RBFOX1: variants seen among roughly 807,000 people sequenced by gnomAD.
The protein encoded by RBFOX1 is RNA binding fox-1 homolog 1, also known as RNA binding protein fox-1 homolog 1.
Under a neutral mutation model 57.7 loss-of-function variants are expected in RBFOX1, and 8 were observed. That is an observed-to-expected ratio of 0.14 (90% confidence interval 0.08 to 0.25). The LOEUF is 0.25. Ranked by LOEUF, RBFOX1 falls within the 10% of genes least tolerant of loss-of-function variation. The probability of loss-of-function intolerance (pLI) is 1.00; values close to 1 mark genes in which losing one functional copy is unlikely to be tolerated. For missense variants in RBFOX1, 611 were observed against 548.5 expected, an observed-to-expected ratio of 1.11 and a Z score of -1.14; for synonymous variants, 326 against 222.4, an observed-to-expected ratio of 1.47 and a Z score of -4.15.
intron 4 of RBFOX1, among the ~76,000 whole-genome samples, chr16:5,931,830 A>G (rs960605730): frequency 6.6e-6 from 1 of 152,148 alleles, no homozygotes; most frequent in Non-Finnish European, 1.5e-5. Flanking sequence ...GTTATGTGGC[A>G]TAGGTCTTGC....
rs1555469992 is a variant in RBFOX1 at position 6,790,191 on chromosome 16, T to TATTATTATTATTA, written c.-16+135550_-16+135551insATTAATTATTATT. Among the ~76,000 whole-genome samples, 915 of 148,310 alleles carry TATTATTATTATTA rather than the reference T, an allele frequency of 6.2e-3. 13 individuals carry two copies. The highest frequency in any genetic ancestry group is 0.02 in the African/African-American group (824 of 40,696). ...ATTCTATTATTATTATTATTATTATTATTATTATTTTATGACAGACTCTCG... is the reference window on the plus strand; with the variant it reads ...ATTCTATTATTATTATTATTATTATTATTATTATTATTAATTATTATTTTATGACAGACTCTCG... On this transcript the variant is annotated intron_variant, in intron 3 of 15. Coordinates refer to ENST00000550418, the MANE Select transcript of RBFOX1 (RefSeq NM_018723.4).
intron 3 of RBFOX1, among the ~76,000 whole-genome samples, chr16:7,045,454 A>G (rs1294537175): frequency 2.6e-5 from 4 of 152,144 alleles, no homozygotes; most frequent in Non-Finnish European, 5.9e-5. Context: ...GAAGGACAGC[A>G]TGGCTATTTC....
At chr16:7,627,860 G>C (rs1308100156) in intron 10 of RBFOX1, among the ~76,000 whole-genome samples, 1 of 151,710 alleles carries the variant, frequency 6.6e-6, no homozygotes, top group African/African-American at 2.4e-5. Flanking sequence ...CAAAAACCAA[G>C]TCCTGTGAAG....
intron 3 of RBFOX1, among the ~76,000 whole-genome samples, chr16:5,758,222 G>A (rs1010249465): frequency 7.2e-5 from 11 of 152,158 alleles, no homozygotes; most frequent in Admixed American, 5.2e-4. Flanking sequence ...AATCCTACAT[G>A]TTCTCGATTC....
At chr16:5,694,110 G>A (rs887648031) in intron 3 of RBFOX1, among the ~76,000 whole-genome samples, 1 of 152,220 alleles carries the variant, frequency 6.6e-6, no homozygotes, top group Non-Finnish European at 1.5e-5. Context: ...GCTTGGCTCA[G>A]AAGTAACCCT....
intron 1 of RBFOX1, among the ~76,000 whole-genome samples, chr16:5,245,678 C>T (rs541423262): frequency 1.3e-5 from 2 of 152,272 alleles, no homozygotes; most frequent in South Asian, 4.1e-4. Context: ...GTGATCGGCC[C>T]ACCTTGGCCT....
At chr16:5,931,850 C>A (rs941122112) in intron 4 of RBFOX1, among the ~76,000 whole-genome samples, 5 of 152,198 alleles carry the variant, frequency 3.3e-5, no homozygotes, top group Non-Finnish European at 5.9e-5. Flanking sequence ...CTCTGTCTCC[C>A]AGGCTGGAGT....
intron 3 of RBFOX1, among the ~76,000 whole-genome samples, chr16:6,725,801 C>T (rs187068275): frequency 5.3e-5 from 8 of 152,074 alleles, no homozygotes; most frequent in Admixed American, 1.3e-4. Flanking sequence ...CATTTTCTGG[C>T]GCCGTGTGTG....
intron 2 of RBFOX1, among the ~76,000 whole-genome samples, chr16:5,552,773 A>G (rs758455231): frequency 3.9e-5 from 6 of 152,158 alleles, no homozygotes; most frequent in African/African-American, 9.7e-5. Flanking sequence ...GATCACAGTC[A>G]GATAATGAAG....
Position 6,981,042 on chromosome 16 carries a change from C to CAAAAAAAAAAAAAAAAACAAAA in RBFOX1, c.-15-70996_-15-70995insAAAAAAAAAAAAAAAAAAAACA, listed in dbSNP as rs2088669391. Among the ~76,000 whole-genome samples, 19 of 77,436 alleles carry CAAAAAAAAAAAAAAAAACAAAA rather than the reference C, an allele frequency of 2.5e-4. 1 individual carries two copies. The highest frequency in any genetic ancestry group is 4.0e-4 in the Non-Finnish European group (19 of 47,792). The allele number at this position is 77,436 out of a possible 152,430, so 50.8% of individuals were successfully genotyped here. A position where few individuals can be genotyped will look rare whatever the true frequency, so the allele number is the denominator to read the frequency against. On this transcript the variant is annotated intron_variant, in intron 3 of 15. Coordinates refer to ENST00000550418, the MANE Select transcript of RBFOX1 (RefSeq NM_018723.4). ...TGGGTGGCAGAGCAAGTCTCAGTCT[C>CAAAAAAAAAAAAAAAAACAAAA]AAAAAAAAAAAAAAAAACACTAAAA...
chr16:6,202,928 A>G (rs2097224787), intron 1 of RBFOX1, among the ~76,000 whole-genome samples: 1 of 152,034 alleles, frequency 6.6e-6, no homozygotes, highest in African/African-American at 2.4e-5. Flanking sequence ...GCATGCCACC[A>G]TGCCTGGATA....
At position 6,019,861 on chromosome 16, in the gene RBFOX1, C is replaced by T. The variant is rs1161116199; in HGVS notation, c.-258C>T. 8.5e-6 allele frequency: 13 copies of T among 1,533,804 alleles called. No homozygotes were observed. In the Admixed American group the frequency reaches 1.2e-4, roughly 14 times the overall value. ...CCTGCCCGCGAAGTTGCGGACAGTGCGTGAGAAACCAGCACCCCCTTCCGC... is the reference window on the plus strand; with the variant it reads ...CCTGCCCGCGAAGTTGCGGACAGTGTGTGAGAAACCAGCACCCCCTTCCGC... On this transcript the variant is annotated 5_prime_UTR_variant, in exon 1 of 16. Coordinates refer to ENST00000550418, the MANE Select transcript of RBFOX1 (RefSeq NM_018723.4). The surrounding 1 kb of genome is among the most constrained non-coding windows in gnomAD (Gnocchi z 4.2).
intron 3 of RBFOX1, among the ~76,000 whole-genome samples, chr16:5,689,634 T>C (rs1427655968): frequency 3.9e-5 from 6 of 152,170 alleles, no homozygotes; most frequent in Admixed American, 3.9e-4. Flanking sequence ...AAAGCATTTC[T>C]TAGGGAATTT....
intron 3 of RBFOX1, among the ~76,000 whole-genome samples, chr16:6,815,166 G>C (rs1271336323): frequency 6.6e-6 from 1 of 152,178 alleles, no homozygotes; most frequent in Non-Finnish European, 1.5e-5. Flanking sequence ...CATGGCGCTG[G>C]TGAGAGTGCT....
Position 7,578,157 on chromosome 16 carries a change from T to G in RBFOX1, c.271-1620T>G, listed in dbSNP as rs142421089. Among the ~76,000 whole-genome samples, 365 of 152,340 alleles carry G rather than the reference T, an allele frequency of 2.4e-3. 1 individual carries two copies. The highest frequency in any genetic ancestry group is 8.3e-3 in the African/African-American group (345 of 41,572). ...CATCATTCTAAACATTTCGTCACTT[T>G]CCATTTATTGAATACATACCAGGAA... is the stretch of plus-strand genomic sequence containing the variant. On this transcript the variant is annotated intron_variant, in intron 5 of 15. Coordinates refer to ENST00000550418, the MANE Select transcript of RBFOX1 (RefSeq NM_018723.4).
At chr16:6,579,491 C>G (rs557012048) in intron 2 of RBFOX1, among the ~76,000 whole-genome samples, 2 of 152,168 alleles carry the variant, frequency 1.3e-5, no homozygotes, top group African/African-American at 2.4e-5. Flanking sequence ...TACTTCCATG[C>G]TGTTCTTGGG....
At chr16:6,944,768 A>G (rs1481971868) in intron 3 of RBFOX1, among the ~76,000 whole-genome samples, 1 of 152,182 alleles carries the variant, frequency 6.6e-6, no homozygotes, top group African/African-American at 2.4e-5. Flanking sequence ...TAGTACCCTC[A>G]TATGGGTGTA....
chr16:6,885,682 C>G (rs1029759462), intron 3 of RBFOX1, among the ~76,000 whole-genome samples: 38 of 151,978 alleles, frequency 2.5e-4, no homozygotes, highest in Non-Finnish European at 5.1e-4. Context: ...CAGGCCCCTG[C>G]CACCACACTC....
chr16:5,714,786 C>T (rs962156360), intron 3 of RBFOX1, among the ~76,000 whole-genome samples: 1 of 152,154 alleles, frequency 6.6e-6, no homozygotes, highest in Non-Finnish European at 1.5e-5. Context: ...TCATATCAGC[C>T]TCGTAAGGTA....
Sources: allele counts gnomAD v4.1 joint callset (sites outside exome capture counted in the v4.1 genomes callset), GRCh38; gene constraint gnomAD v4.1.1; non-coding constraint Gnocchi (gnomAD v3.1); transcripts MANE v1.5; gene names NCBI Gene and HGNC (gene_info 2026-07-23, HGNC 2026-07-21).